UBXN4: variants seen among roughly 807,000 people sequenced by gnomAD.
The protein encoded by UBXN4 is UBX domain-containing protein 4.
Under a neutral mutation model 66.2 loss-of-function variants are expected in UBXN4, and 35 were observed. The ratio of observed to expected loss-of-function variants is 0.53; its 90% confidence interval spans 0.40 to 0.70. The LOEUF is 0.70. Among genes scored for constraint, UBXN4 ranks in the 30% least tolerant of loss-of-function variants. The pLI is 0.00. For synonymous variants in UBXN4, 203 were observed against 204.5 expected (o/e 0.99, Z 0.06); for missense variants, 533 against 599.8 (o/e 0.89, Z 1.16).
chr2:135,754,100 G>A (rs2105495109), intron 3 of UBXN4, 59 bp from the exon 4 acceptor site: 1 of 1,210,094 alleles, frequency 8.3e-7, no homozygotes, highest in East Asian at 2.4e-5. Context: ...TACCAATAGT[G>A]TTTCGTAAAA....
intron 4 of UBXN4, among the ~76,000 whole-genome samples, chr2:135,754,648 C>G (rs926988781): frequency 2.0e-5 from 3 of 151,982 alleles, no homozygotes; most frequent in Non-Finnish European, 4.4e-5. Context: ...TTTGGAGCCC[C>G]TCTGTATATT....
chr2:135,763,392 A>G lies in UBXN4; in HGVS notation c.602+1481A>G, dbSNP rs1015229576. On this transcript the variant is annotated intron_variant, in intron 6 of 12. Transcript: ENST00000272638. ...GAAGTGCTTTTTCTCAGCCTGGTTAAGTTGGACCCATCAGTCCCTGTTGTG... is the reference window on the plus strand; with the variant it reads ...GAAGTGCTTTTTCTCAGCCTGGTTAGGTTGGACCCATCAGTCCCTGTTGTG... 2.6e-5 allele frequency among the ~76,000 whole-genome samples: 4 copies of G among 152,166 alleles called. No homozygotes were observed. The East Asian group carries it at 7.7e-4, about 29-fold the overall frequency.
chr2:135,764,185 C>T (rs1046926367), intron 6 of UBXN4, among the ~76,000 whole-genome samples: 1 of 152,060 alleles, frequency 6.6e-6, no homozygotes, highest in African/African-American at 2.4e-5. Flanking sequence ...ATGTAAGATT[C>T]TTACTTTCCT....
rs750152164 is a variant in UBXN4 at position 135,761,884 on chromosome 2, C to T, written c.575C>T (p.Ala192Val). 27 of 1,613,568 alleles carry T rather than the reference C, an allele frequency of 1.7e-5. No individual in the cohort carries two copies. In the Admixed American group the frequency reaches 4.5e-4, roughly 27 times the overall value. Residue 192 changes from alanine (A) to valine (V), a missense_variant, in exon 6 of 13, where the codon GCA (alanine) becomes GTA (valine). Transcript: ENST00000272638. ...EPSGCSDQRP[A>V]EDLNIRVERL... ...AGTGGATGCTCAGATCAGAGACCTGCAGAGGACCTCAACATCCGAGTGGAA... is the reference window on the plus strand; with the variant it reads ...AGTGGATGCTCAGATCAGAGACCTGTAGAGGACCTCAACATCCGAGTGGAA...
chr2:135,742,032 A>T, intron 1 of UBXN4, 21 bp downstream of exon 1: 2 of 1,610,664 alleles, frequency 1.2e-6, no homozygotes, highest in Non-Finnish European at 1.7e-6. Context: ...CAGGGGTTCG[A>T]GAGGCGGCCG....
chr2:135,776,146 C>T, intron 9 of UBXN4, 103 bp from the exon 10 acceptor site: 1 of 892,832 alleles, frequency 1.1e-6, no homozygotes, highest in Non-Finnish European at 1.7e-6. Context: ...GTAGAAAAAA[C>T]TATTGTCATT....
chr2:135,765,764 CAGGGA>C, intron 6 of UBXN4, among the ~76,000 whole-genome samples: 1 of 151,804 alleles, frequency 6.6e-6, no homozygotes, highest in Non-Finnish European at 1.5e-5. Flanking sequence ...GGGCTTTGAG[CAGGGA>C]CTCCATCCTA....
intron 6 of UBXN4, among the ~76,000 whole-genome samples, 162 bp downstream of exon 6, chr2:135,762,073 C>CT (rs1403158904): frequency 5.3e-5 from 8 of 152,234 alleles, no homozygotes; most frequent in Admixed American, 3.3e-4. Context: ...ACATTACACT[C>CT]TAAGTGTAAA....
chr2:135,780,366 T>C lies in UBXN4; in HGVS notation c.1369T>C (p.Ser457Pro). The change falls in exon 12 of 13, where the codon TCT (serine) becomes CCT (proline). Residue 457 changes from serine (S) to proline (P), a missense_variant. By Grantham distance (74) the Ser-to-Pro change is moderately conservative. Around this residue, in one of 2 missense-constraint regions of UBXN4, gnomAD observed 529 missense variants for 580.1 expected, o/e 0.91. Transcript: ENST00000272638. ...TSSEPPNPAS[S>P]SKSEKREPVR... is the part of the protein sequence containing the mutation. Reference sequence around the variant, plus strand: ...GTCAGAACCCCCAAACCCTGCATCATCTAGCAAATCAGAAAAAAGGTATCT... The same window carrying C: ...GTCAGAACCCCCAAACCCTGCATCACCTAGCAAATCAGAAAAAAGGTATCT... 1 of 1,614,074 alleles carries C rather than the reference T, an allele frequency of 6.2e-7. No homozygotes were observed. Among genetic ancestry groups the C allele is most frequent in the Non-Finnish European group, 8.5e-7 (1 of 1,179,936 alleles).
chr2:135,745,130 C>T (rs547350819), intron 1 of UBXN4, among the ~76,000 whole-genome samples: 1 of 152,344 alleles, frequency 6.6e-6, no homozygotes, highest in Admixed American at 6.5e-5. Context: ...ACCTGTGTTT[C>T]TCCCAGTGTT....
At chr2:135,776,563 CTGATATTGTA>C (rs1290960771) in intron 10 of UBXN4, among the ~76,000 whole-genome samples, 3 of 152,098 alleles carry the variant, frequency 2.0e-5, no homozygotes, top group Non-Finnish European at 4.4e-5. Context: ...TAGGAATTTG[CTGATATTGTA>C]TAATAGGTCC....
At chr2:135,769,882 T>TG (rs1553648783) in intron 7 of UBXN4, 59 bp downstream of exon 7, 41 of 1,496,750 alleles carry the variant, frequency 2.7e-5, no homozygotes, top group Non-Finnish European at 3.4e-5. Flanking sequence ...TGTGATTGAT[T>TG]ATTCTATTCA....
intron 9 of UBXN4, among the ~76,000 whole-genome samples, chr2:135,775,832 T>C (rs1305969057): frequency 6.6e-6 from 1 of 152,220 alleles, no homozygotes; most frequent in African/African-American, 2.4e-5. Flanking sequence ...GGTGGCATGA[T>C]CTCGGCTTAC....
chr2:135,768,052 T>C (rs757063074), intron 6 of UBXN4, among the ~76,000 whole-genome samples: 1 of 152,168 alleles, frequency 6.6e-6, no homozygotes, highest in African/African-American at 2.4e-5. Context: ...CAAACACTTT[T>C]AGAGAAAATA....
In UBXN4 at chr2:135,752,268, C is replaced by T. The variant is rs116127135; in HGVS notation, c.186-1271C>T. Among the ~76,000 whole-genome samples the T allele has an allele frequency of 4.6e-3, 697 of 152,248 alleles. 5 individuals carry two copies. Among genetic ancestry groups the T allele is most frequent in the African/African-American group, 0.015 (641 of 41,540 alleles). On this transcript the variant is annotated intron_variant, in intron 2 of 12. Transcript: ENST00000272638. ...TTCACTATGTTGGCCAGACTGGACT[C>T]GAACTCCTGACCTCATAATCCACTT...
At chr2:135,747,041 C>G (rs550175959) in intron 1 of UBXN4, among the ~76,000 whole-genome samples, 2 of 152,006 alleles carry the variant, frequency 1.3e-5, no homozygotes, top group African/African-American at 2.4e-5. Flanking sequence ...TATTTTGGAG[C>G]TGGAGTCAGT....
At chr2:135,761,063 AT>A (rs2077312918) in intron 5 of UBXN4, among the ~76,000 whole-genome samples, 1 of 152,210 alleles carries the variant, frequency 6.6e-6, no homozygotes, top group South Asian at 2.1e-4. Context: ...TGAGGTTACT[AT>A]CCCCATTTTA....
intron 1 of UBXN4, chr2:135,742,822 C>T (rs2077184792): frequency 6.6e-6 from 1 of 151,904 alleles, no homozygotes. Flanking sequence ...TAAAAAAAAT[C>T]CATTAGTTTC....
rs776885716 is a variant in UBXN4 at position 135,755,657 on chromosome 2, A to G, written c.474A>G (p.Pro158=). 9.5e-6 allele frequency: 15 copies of G among 1,579,388 alleles called. No homozygotes were observed. In the Admixed American group the frequency reaches 1.8e-4, roughly 19 times the overall value. The change falls in exon 5 of 13, where the codon CCA becomes CCG. Residue 158 remains proline (P), a synonymous_variant. Coordinates refer to ENST00000272638, the MANE Select transcript of UBXN4 (RefSeq NM_014607.4). ...QSRNAELCEI[P]PTSDTKSDTA... ...GAAATGCAGAGCTTTGTGAGATACC[A>G]CCCACTTCTGATACAAAGTCAGATA...
Sources: gnomAD v4.1 joint callset for allele counts (sites outside exome capture counted in the v4.1 genomes callset) on GRCh38, gnomAD v4.1.1 for gene constraint, gnomAD v4.1.1 regional missense constraint, MANE v1.5 for transcripts, NCBI Gene and HGNC (gene_info 2026-07-23, HGNC 2026-07-21) for gene names.